The following TOX3 variants were observed in gnomAD, a reference collection of about 807,000 sequenced individuals.
TOX3 encodes the protein CAG trinucleotide repeat-containing gene F9 protein.
Under a neutral mutation model 64.3 loss-of-function variants are expected in TOX3, and 22 were observed. The ratio of observed to expected loss-of-function variants is 0.34; its 90% CI spans 0.24 to 0.49. The LOEUF (loss-of-function observed/expected upper bound fraction) is 0.49, where lower values mean the gene tolerates loss of function less well. Among genes scored for constraint, TOX3 ranks in the 20% least tolerant of loss-of-function variants. The probability of loss-of-function intolerance (pLI) is 0.99; values close to 1 mark genes in which losing one functional copy is unlikely to be tolerated. For missense variants in TOX3, 661 were observed against 714.4 expected, an observed-to-expected ratio of 0.93 and a Z score of 0.85; for synonymous variants, 291 against 273.6, an observed-to-expected ratio of 1.06 and a Z score of -0.63.
At chr16:52,542,521 A>C (rs1303442521) in intron 1 of TOX3, among the ~76,000 whole-genome samples, 1 of 152,146 alleles carries the variant, frequency 6.6e-6, no homozygotes, top group Middle Eastern at 3.2e-3. Context: ...TAAAGTATAG[A>C]GATATTGGAC....
rs1289743667 is a variant in TOX3, at chr16:52,437,540, T to G, written c.*1685A>C. ...TTTATCAAGACCTCTTCATTATAGC[T>G]TCTGACAGGACAGATGCTGTAATTA... On this transcript the variant is annotated 3_prime_UTR_variant, in exon 7 of 7. Transcript: ENST00000219746. 6.6e-6 allele frequency: 1 copy of G among 152,392 alleles called. No individual in the cohort carries two copies. Among genetic ancestry groups the G allele is most frequent in the Non-Finnish European group, 1.5e-5 (1 of 68,038 alleles). The allele number at this position is 152,392 out of a possible 1,614,324, so 9.4% of individuals were successfully genotyped here.
At chr16:52,489,235 C>A (rs942516151) in intron 1 of TOX3, among the ~76,000 whole-genome samples, 1 of 152,164 alleles carries the variant, frequency 6.6e-6, no homozygotes, top group Non-Finnish European at 1.5e-5. Context: ...GTCCCATTCA[C>A]CCTTAGAGTT....
At chr16:52,483,232 A>G (rs1382157835) in intron 1 of TOX3, among the ~76,000 whole-genome samples, 2 of 152,256 alleles carry the variant, frequency 1.3e-5, no homozygotes, top group South Asian at 2.1e-4. Context: ...TAAAGTGGTG[A>G]CACTGAATAT....
chr16:52,503,828 T>TAATAC lies in TOX3; in HGVS notation c.88-35259_88-35255dup, dbSNP rs45444892. On this transcript the variant is annotated intron_variant, in intron 1 of 6. Transcript: ENST00000219746. Reference sequence around the variant, plus strand: ...ATTAATCAGTTTCAATGTTATAAAATAATACTTCCAAGAATAAATGTATCA... The same window carrying TAATAC: ...ATTAATCAGTTTCAATGTTATAAAATAATACAATACTTCCAAGAATAAATGTATCA... Among the ~76,000 whole-genome samples the TAATAC allele has an allele frequency of 3.4e-3, 513 of 152,306 alleles. 2 individuals are homozygous for TAATAC. The highest frequency in any genetic ancestry group is 5.7e-3 in the Non-Finnish European group (385 of 68,010).
At chr16:52,470,612 C>T (rs564631689) in intron 1 of TOX3, among the ~76,000 whole-genome samples, 1 of 152,288 alleles carries the variant, frequency 6.6e-6, no homozygotes, top group South Asian at 2.1e-4. Context: ...AATGTAATTA[C>T]TGAAGAAACT....
chr16:52,504,065 T>C (rs1962083178), intron 1 of TOX3, among the ~76,000 whole-genome samples: 1 of 152,180 alleles, frequency 6.6e-6, no homozygotes. Context: ...AGTAGTTTCT[T>C]TTAGCAAAAT....
At chr16:52,446,260 T>G (rs1428833561) in intron 4 of TOX3, 39 bp from the exon 5 acceptor site, 1 of 1,586,530 alleles carries the variant, frequency 6.3e-7, no homozygotes. Flanking sequence ...TAGAATGTAC[T>G]TGCAGAGAAT....
intron 1 of TOX3, among the ~76,000 whole-genome samples, chr16:52,540,630 A>G (rs1963057716): frequency 6.6e-6 from 1 of 152,132 alleles, no homozygotes; most frequent in East Asian, 1.9e-4. Flanking sequence ...GACCAATAAG[A>G]TAAAAGAGAC....
At chr16:52,516,536 A>G (rs1355627614) in intron 1 of TOX3, among the ~76,000 whole-genome samples, 3 of 152,200 alleles carry the variant, frequency 2.0e-5, no homozygotes, top group Admixed American at 6.5e-5. Context: ...TTTTTTGCTC[A>G]AACTCCAGAT....
intron 1 of TOX3, among the ~76,000 whole-genome samples, chr16:52,514,564 G>A (rs537546716): frequency 7.2e-5 from 11 of 152,276 alleles, no homozygotes; most frequent in South Asian, 4.1e-4. Flanking sequence ...CAATAGAGCC[G>A]AAAGGCTTGT....
intron 2 of TOX3, among the ~76,000 whole-genome samples, chr16:52,466,164 GA>G (rs1567320642): frequency 6.6e-6 from 1 of 152,102 alleles, no homozygotes; most frequent in Non-Finnish European, 1.5e-5. Flanking sequence ...TAACAATACG[GA>G]TAAACACTCA....
intron 3 of TOX3, among the ~76,000 whole-genome samples, chr16:52,451,597 C>A (rs901017762): frequency 6.6e-6 from 1 of 152,280 alleles, no homozygotes; most frequent in Admixed American, 6.5e-5. Flanking sequence ...ATTTTATACA[C>A]AAGCCTATGA....
Position 52,444,334 on chromosome 16 carries a change from G to A in TOX3, c.929C>T (p.Ala310Val), listed in dbSNP as rs573797033. 1.3e-6 allele frequency: 2 copies of A among 1,585,324 alleles called. No individual in the cohort carries two copies. Among genetic ancestry groups the A allele is most frequent in the Admixed American group, 1.8e-5 (1 of 56,930 alleles). The change falls in exon 6 of 7, where the codon GCT becomes GTT. Residue 310 changes from alanine (A) to valine (V), a missense_variant. Physicochemically the swap from Ala to Val is moderately conservative, Grantham distance 64 (BLOSUM62 0). Coordinates refer to ENST00000219746, the MANE Select transcript of TOX3 (RefSeq NM_001080430.4). Reference sequence around the variant, plus strand: ...GGCCTTCAGGTATTCTTTTTTGGCAGCTTCTGTTTTCCTTTTATATACCTA... The same window carrying A: ...GGCCTTCAGGTATTCTTTTTTGGCAACTTCTGTTTTCCTTTTATATACCTA... ...QKQVYKRKTE[A>V]AKKEYLKALA...
At chr16:52,468,387 A>G (rs1488888642) in intron 2 of TOX3, 122 bp downstream of exon 2, 4 of 750,092 alleles carry the variant, frequency 5.3e-6, no homozygotes, top group Non-Finnish European at 8.5e-6. Flanking sequence ...TCTCCTCCAA[A>G]GTAGTTACCT....
At chr16:52,441,490 A>G (rs1959987096) in intron 6 of TOX3, among the ~76,000 whole-genome samples, 3 of 152,194 alleles carry the variant, frequency 2.0e-5, no homozygotes, top group Non-Finnish European at 4.4e-5. Context: ...ATTTTGTACT[A>G]AAAACACTTC....
rs1051754468 is a variant in TOX3, at chr16:52,438,666, GA to G, written c.*558del. 1.1e-5 allele frequency: 2 copies of G among 178,550 alleles called. No individual in the cohort carries two copies. Among genetic ancestry groups the G allele is most frequent in the Non-Finnish European group, 2.4e-5 (2 of 84,266 alleles). The allele number at this position is 178,550 out of a possible 1,614,324, so 11.1% of individuals were successfully genotyped here. A position where few individuals can be genotyped will look rare whatever the true frequency, so the allele number is the denominator to read the frequency against. On this transcript the variant is annotated 3_prime_UTR_variant, in exon 7 of 7. Transcript: ENST00000219746. ...GCATTTTTTTTCTGGAGAGATTTAG[GA>G]AAAAAAATAAGAGCTTTGGCAAAAG...
intron 1 of TOX3, among the ~76,000 whole-genome samples, chr16:52,514,390 C>T (rs9933556): frequency 0.48 from 72,856 of 152,014 alleles, 17,632 homozygotes; most frequent in Middle Eastern, 0.59. Flanking sequence ...TAAGCCAATG[C>T]TTACAAATTT....
At chr16:52,503,921 C>A (rs1052745562) in intron 1 of TOX3, among the ~76,000 whole-genome samples, 1 of 152,006 alleles carries the variant, frequency 6.6e-6, no homozygotes, top group African/African-American at 2.4e-5. Context: ...TTCCGAAGTC[C>A]GCTTTATCAT....
At chr16:52,485,440 A>G (rs1961504634) in intron 1 of TOX3, among the ~76,000 whole-genome samples, 1 of 151,912 alleles carries the variant, frequency 6.6e-6, no homozygotes, top group South Asian at 2.1e-4. Context: ...TAATGGGTAC[A>G]CATGGACATA....
Sources: gnomAD v4.1 joint callset for allele counts (sites outside exome capture counted in the v4.1 genomes callset) on GRCh38, gnomAD v4.1.1 for gene constraint, MANE v1.5 for transcripts, NCBI Gene and HGNC (gene_info 2026-07-23, HGNC 2026-07-21) for gene names.